PTDSS1: variants seen among roughly 807,000 people sequenced by gnomAD.
The protein encoded by PTDSS1 is phosphatidylserine synthase 1.
In PTDSS1, 45 loss-of-function variants were observed where a neutral mutation model predicts 70.5. That is an observed-to-expected ratio of 0.64 (90% CI 0.50 to 0.82). PTDSS1 has a LOEUF of 0.82. Ranked by LOEUF, PTDSS1 falls within the 40% of genes least tolerant of loss-of-function variation. The pLI is 0.00. For missense variants in PTDSS1, 417 were observed against 586.1 expected, an observed-to-expected ratio of 0.71 and a Z score of 2.98; for synonymous variants, 188 against 203.8, an observed-to-expected ratio of 0.92 and a Z score of 0.66.
Position 96,295,184 on chromosome 8 carries a change from G to A in PTDSS1, c.528G>A (p.Trp176Ter). Residue 176 changes from tryptophan to a stop codon, truncating the protein, a stop_gained, in exon 5 of 13, where the codon TGG becomes TGA. Coordinates refer to ENST00000517309, the MANE Select transcript of PTDSS1 (RefSeq NM_014754.3). LOFTEE classifies it high-confidence loss of function. ...TTGCATTTGGACATTTCTGGGGCTGGGCCATGAAGGCCTTGCTGATCCGTA... is the reference window on the plus strand; with the variant it reads ...TTGCATTTGGACATTTCTGGGGCTGAGCCATGAAGGCCTTGCTGATCCGTA... The part of the protein sequence containing the change: ...DIFAFGHFWG[W>*]AMKALLIRSY... 6.2e-7 allele frequency: 1 copy of A among 1,614,120 alleles called. No homozygotes were observed. Among genetic ancestry groups the A allele is most frequent in the Non-Finnish European group, 8.5e-7 (1 of 1,180,008 alleles).
At chr8:96,311,745 G>T (rs1426706131) in intron 9 of PTDSS1, among the ~76,000 whole-genome samples, 2 of 152,166 alleles carry the variant, frequency 1.3e-5, no homozygotes, top group Non-Finnish European at 2.9e-5. Context: ...TGATAAGATG[G>T]ATTTGGTTTC....
chr8:96,319,954 C>T (rs1034769150), intron 9 of PTDSS1, among the ~76,000 whole-genome samples: 1 of 152,122 alleles, frequency 6.6e-6, no homozygotes, highest in African/African-American at 2.4e-5. Flanking sequence ...TGATCACCCA[C>T]CCTTATGGCA....
In PTDSS1 at chr8:96,295,118, T is replaced by C. The variant is rs763895901; in HGVS notation, c.462T>C (p.His154=). ...AATAGGAGTATGCTGTGAACTGCCA[T>C]GTGATCACCTGGGAGAGGATTATCA... ...ADVMEYAVNC[H]VITWERIISH... Residue 154 remains histidine (H), a synonymous_variant, in exon 5 of 13, where the codon CAT becomes CAC. Transcript: ENST00000517309. 2 of 1,613,822 alleles carry C rather than the reference T, an allele frequency of 1.2e-6. No homozygotes were observed. The highest frequency in any genetic ancestry group is 1.3e-5 in the African/African-American group (1 of 74,954).
At chr8:96,277,921 A>T (rs1354430099) in intron 2 of PTDSS1, among the ~76,000 whole-genome samples, 2 of 152,224 alleles carry the variant, frequency 1.3e-5, no homozygotes, top group Non-Finnish European at 2.9e-5. Flanking sequence ...CACTAAGGAA[A>T]TTCGTTATTT....
Position 96,334,811 on chromosome 8 carries a change from T to C in PTDSS1, c.*1245T>C, listed in dbSNP as rs1469502031. 1 of 152,244 alleles carries C rather than the reference T, an allele frequency of 6.6e-6. No homozygotes were observed. The highest frequency in any genetic ancestry group is 1.5e-5 in the Non-Finnish European group (1 of 68,040). The allele number at this position is 152,244 out of a possible 1,614,324, so 9.4% of individuals were successfully genotyped here. Reference sequence around the variant, plus strand: ...ATGGTTTCCAAGTTGGACTTTTTTTTCCTCTAACAAGAGGCCAGTACCCAG... The same window carrying C: ...ATGGTTTCCAAGTTGGACTTTTTTTCCCTCTAACAAGAGGCCAGTACCCAG... On this transcript the variant is annotated 3_prime_UTR_variant, in exon 13 of 13. Coordinates refer to ENST00000517309, the MANE Select transcript of PTDSS1 (RefSeq NM_014754.3).
At chr8:96,327,842 C>CG (rs1178329264) in intron 10 of PTDSS1, among the ~76,000 whole-genome samples, 1 of 152,186 alleles carries the variant, frequency 6.6e-6, no homozygotes, top group African/African-American at 2.4e-5. Flanking sequence ...CTCGCCCCCC[C>CG]GCCCTTTCTT....
chr8:96,286,138 T>G (rs757788566), intron 3 of PTDSS1, among the ~76,000 whole-genome samples: 17 of 152,150 alleles, frequency 1.1e-4, no homozygotes, highest in Admixed American at 4.6e-4. Context: ...CACTGGAGAT[T>G]AGTGCTGAGC....
At chr8:96,325,837 A>T (rs1404877817) in intron 10 of PTDSS1, among the ~76,000 whole-genome samples, 1 of 152,180 alleles carries the variant, frequency 6.6e-6, no homozygotes, top group African/African-American at 2.4e-5. Flanking sequence ...AGTTATGGGG[A>T]TCAGAGTAGC....
At chr8:96,281,678 G>A (rs1178136788) in intron 2 of PTDSS1, among the ~76,000 whole-genome samples, 3 of 152,186 alleles carry the variant, frequency 2.0e-5, no homozygotes, top group Non-Finnish European at 4.4e-5. Context: ...AAACCAGTCC[G>A]CGCTCAACCC....
At chr8:96,288,366 C>T (rs111418424) in intron 4 of PTDSS1, among the ~76,000 whole-genome samples, 2,174 of 152,248 alleles carry the variant, frequency 0.014, 45 homozygotes, top group African/African-American at 0.049. Flanking sequence ...ACTCTGTTGC[C>T]TAGGCTGGAG....
rs571636585 is a variant in PTDSS1 at position 96,323,620 on chromosome 8, G to A, written c.1173+3275G>A. Among the ~76,000 whole-genome samples, 14 of 152,296 alleles carry A rather than the reference G, an allele frequency of 9.2e-5. No individual in the cohort carries two copies. The East Asian group carries it at 2.5e-3, about 27-fold the overall frequency. ...CTAGGTAGCCCTGGTCAGTGAGCCCGTGGAGGGCTCCCCAGGCCTGTAACC... is the reference window on the plus strand; with the variant it reads ...CTAGGTAGCCCTGGTCAGTGAGCCCATGGAGGGCTCCCCAGGCCTGTAACC... On this transcript the variant is annotated intron_variant, in intron 10 of 12. Coordinates refer to ENST00000517309, the MANE Select transcript of PTDSS1 (RefSeq NM_014754.3).
chr8:96,333,876 A>C lies in PTDSS1; in HGVS notation c.*310A>C. The C allele has an allele frequency of 1.6e-6, 1 of 625,448 alleles. No individual in the cohort carries two copies. The highest frequency in any genetic ancestry group is 1.8e-5 in the South Asian group (1 of 54,676). 38.7% of individuals were successfully genotyped at this position (625,448 alleles called of 1,614,324 possible). A position where few individuals can be genotyped will look rare whatever the true frequency, so the allele number is the denominator to read the frequency against. Reference sequence around the variant, plus strand: ...CTATTCATTCACAGTTGCCAAGAGCAGCTCCGCGCCTGCTGGATCGTGGAT... The same window carrying C: ...CTATTCATTCACAGTTGCCAAGAGCCGCTCCGCGCCTGCTGGATCGTGGAT... On this transcript the variant is annotated 3_prime_UTR_variant, in exon 13 of 13. Coordinates refer to ENST00000517309, the MANE Select transcript of PTDSS1 (RefSeq NM_014754.3).
chr8:96,277,958 A>G (rs1162254671), intron 2 of PTDSS1, among the ~76,000 whole-genome samples: 1 of 152,242 alleles, frequency 6.6e-6, no homozygotes, highest in Admixed American at 6.5e-5. Flanking sequence ...GTTCTGAGAT[A>G]GGGTGGTTGG....
In PTDSS1 at chr8:96,262,282, T is replaced by TGGGGGGGGG; in HGVS notation, c.179+65_179+66insGGGGGGGGG. 3 of 250,422 alleles carry TGGGGGGGGG rather than the reference T, an allele frequency of 1.2e-5. No homozygotes were observed. The highest frequency in any genetic ancestry group is 1.0e-4 in the East Asian group (1 of 9,674). The allele number at this position is 250,422 out of a possible 1,614,324, so 15.5% of individuals were successfully genotyped here. ...GCTAGGGAAGAGGCGGGAGGGAGGG[T>TGGGGGGGGG]GGCGGGGAGGGGGGCCCGGCATGGC... On this transcript the variant is annotated intron_variant, in intron 1 of 12. Transcript: ENST00000517309. The surrounding 1 kb of genome is among the most constrained non-coding windows in gnomAD (Gnocchi z 4.4).
At chr8:96,330,501 C>G (rs191471714) in intron 11 of PTDSS1, 27 of 529,980 alleles carry the variant, frequency 5.1e-5, no homozygotes, top group African/African-American at 4.9e-4. Flanking sequence ...TTTTGTCTAA[C>G]TTTTGTTAGA....
At position 96,333,540 on chromosome 8, in the gene PTDSS1, G is replaced by C; in HGVS notation, c.1396G>C (p.Val466Leu). ...AAGGAATCGGCATTCCAAGTCAAAA[G>C]TCACCAATGGCGTTGGAAAGAAATG... Reference protein sequence around the residue: ...RRRNRHSKSKVTNGVGKK With the variant: ...RRRNRHSKSKLTNGVGKK The change falls in exon 13 of 13, where the codon GTC becomes CTC. Residue 466 changes from valine (V) to leucine (L), a missense_variant. By Grantham distance (32) the Val-to-Leu change is conservative (BLOSUM62 1). Coordinates refer to ENST00000517309, the MANE Select transcript of PTDSS1 (RefSeq NM_014754.3). 3 of 1,612,396 alleles carry C rather than the reference G, an allele frequency of 1.9e-6. No homozygotes were observed. The highest frequency in any genetic ancestry group is 2.5e-6 in the Non-Finnish European group (3 of 1,178,456).
rs1811571933 is a variant in PTDSS1 at position 96,334,796 on chromosome 8, A to G, written c.*1230A>G. ...TTTTTTCCTGTGGTAATGGTTTCCA[A>G]GTTGGACTTTTTTTTCCTCTAACAA... On this transcript the variant is annotated 3_prime_UTR_variant, in exon 13 of 13. Transcript: ENST00000517309. 1 of 152,200 alleles carries G rather than the reference A, an allele frequency of 6.6e-6. No individual in the cohort carries two copies. Among genetic ancestry groups the G allele is most frequent in the Non-Finnish European group, 1.5e-5 (1 of 68,030 alleles). 9.4% of individuals were successfully genotyped at this position (152,200 alleles called of 1,614,324 possible).
Position 96,262,595 on chromosome 8 carries a change from C to T in PTDSS1, c.179+376C>T, listed in dbSNP as rs1810424719. Among the ~76,000 whole-genome samples, 1 of 152,138 alleles carries T rather than the reference C, an allele frequency of 6.6e-6. No homozygotes were observed. Among genetic ancestry groups the T allele is most frequent in the African/African-American group, 2.4e-5 (1 of 41,416 alleles). On this transcript the variant is annotated intron_variant, in intron 1 of 12. Transcript: ENST00000517309. The surrounding 1 kb of genome is among the most constrained non-coding windows in gnomAD (Gnocchi z 4.4). ...TCCCTACCCAGCACACCGCATGAAT[C>T]ATGTCGTATGCACCACTTTCAGCAC...
At chr8:96,275,330 T>C (rs959211027) in intron 2 of PTDSS1, among the ~76,000 whole-genome samples, 6 of 152,190 alleles carry the variant, frequency 3.9e-5, no homozygotes, top group Admixed American at 1.3e-4. Flanking sequence ...TAATTTTTTA[T>C]ATTTTTTGTA....
Sources: gnomAD v4.1 joint callset for allele counts (sites outside exome capture counted in the v4.1 genomes callset) on GRCh38, gnomAD v4.1.1 for gene constraint, Gnocchi (gnomAD v3.1) non-coding constraint, MANE v1.5 for transcripts, NCBI Gene and HGNC (gene_info 2026-07-23, HGNC 2026-07-21) for gene names.